SNAI3: variants seen among roughly 807,000 people sequenced by gnomAD.
The protein encoded by SNAI3 is snail family transcriptional repressor 3.
SNAI3 carries 21 observed loss-of-function variants against 16.4 expected under a neutral mutation model. That is an observed-to-expected ratio of 1.28 (90% confidence interval 0.91 to 1.85). The LOEUF (loss-of-function observed/expected upper bound fraction) is 1.85, where lower values mean the gene tolerates loss of function less well. SNAI3 is among the 40% of genes most tolerant of loss of function. The pLI is 0.00. For missense variants in SNAI3, 457 were observed against 372.8 expected (o/e 1.23, Z -1.86); for synonymous variants, 202 against 166.6 (o/e 1.21, Z -1.64).
chr16:88,682,533 A>G (rs923056118), intron 1 of SNAI3, among the ~76,000 whole-genome samples: 1 of 152,182 alleles, frequency 6.6e-6, no homozygotes, highest in African/African-American at 2.4e-5. Flanking sequence ...AAATCTCCCA[A>G]CAGCCCTCAA....
In SNAI3 at chr16:88,681,726, G is replaced by C; in HGVS notation, c.77-12C>G. 7.0e-7 allele frequency: 1 copy of C among 1,428,068 alleles called. No homozygotes were observed. Among genetic ancestry groups the C allele is most frequent in the Non-Finnish European group, 9.2e-7 (1 of 1,086,286 alleles). 88.5% of individuals were successfully genotyped at this position (1,428,068 alleles called of 1,614,324 possible). A position where few individuals can be genotyped will look rare whatever the true frequency, so the allele number is the denominator to read the frequency against. On this transcript the variant is annotated splice_polypyrimidine_tract_variant and intron_variant, in intron 1 of 2. Transcript: ENST00000332281. The surrounding 1 kb of genome is among the most constrained non-coding windows in gnomAD (Gnocchi z 5.4). ...GGCACCATTGATTTCTAGAGGGGTG[G>C]AGGGGAGAGAATAGAAAGATGAAGA...
At chr16:88,678,993 G>A (rs1909071204) in intron 2 of SNAI3, 2 of 985,446 alleles carry the variant, frequency 2.0e-6, no homozygotes, top group Non-Finnish European at 2.4e-6. Flanking sequence ...CAGAGCTGTG[G>A]ACCTTGAGGA....
At chr16:88,680,705 C>G (rs1363452450) in intron 2 of SNAI3, among the ~76,000 whole-genome samples, 2 of 151,978 alleles carry the variant, frequency 1.3e-5, no homozygotes, top group Admixed American at 6.6e-5. Flanking sequence ...CTCAAGTGAT[C>G]CTCCTGCCTC....
intron 1 of SNAI3, among the ~76,000 whole-genome samples, chr16:88,682,115 G>A (rs1452200795): frequency 1.3e-5 from 2 of 152,170 alleles, no homozygotes; most frequent in East Asian, 1.9e-4. Context: ...AGCCTGGGCC[G>A]GCATCCTCCA....
At position 88,681,400 on chromosome 16, in the gene SNAI3, C is replaced by G; in HGVS notation, c.391G>C (p.Asp131His). The change falls in exon 2 of 3, where the codon GAC (aspartate) becomes CAC (histidine). Residue 131 changes from aspartate to histidine, a missense_variant. Transcript: ENST00000332281. The surrounding 1 kb of genome is among the most constrained non-coding windows in gnomAD (Gnocchi z 5.4). ...PTRWSPTLGP[D>H]RHGAPEKLLG... ...AGTTTTTCCGGAGCCCCGTGCCGGT[C>G]TGGGCCCAAGGTCGGGGACCACCGT... 1 of 1,612,192 alleles carries G rather than the reference C, an allele frequency of 6.2e-7. No homozygotes were observed. The highest frequency in any genetic ancestry group is 1.1e-5 in the South Asian group (1 of 90,986).
Position 88,686,429 on chromosome 16 carries a change from C to G in SNAI3, c.-23G>C. The G allele has an allele frequency of 1.9e-6, 3 of 1,592,440 alleles. No individual in the cohort carries two copies. Among genetic ancestry groups the G allele is most frequent in the African/African-American group, 1.3e-5 (1 of 74,376 alleles). Reference sequence around the variant, plus strand: ...CATGTTCCCCTCCCGGGCGGCAGGCCGGGGTGGGCTGGGGCGGGAGGGGCG... The same window carrying G: ...CATGTTCCCCTCCCGGGCGGCAGGCGGGGGTGGGCTGGGGCGGGAGGGGCG... On this transcript the variant is annotated 5_prime_UTR_variant, in exon 1 of 3. Transcript: ENST00000332281.
At position 88,678,728 on chromosome 16, in the gene SNAI3, C is replaced by G. The variant is rs947097217; in HGVS notation, c.698-99G>C. 21 of 1,468,450 alleles carry G rather than the reference C, an allele frequency of 1.4e-5. No individual in the cohort carries two copies. In the African/African-American group the frequency reaches 2.2e-4, roughly 16 times the overall value. The allele number at this position is 1,468,450 out of a possible 1,614,324, so 91.0% of individuals were successfully genotyped here. On this transcript the variant is annotated intron_variant, in intron 2 of 2. Coordinates refer to ENST00000332281, the MANE Select transcript of SNAI3 (RefSeq NM_178310.4). ...AATGGATACTCCCATCCCTTCCCCACAAATGCTCACAGCCAGAGCACCCAA... is the reference window on the plus strand; with the variant it reads ...AATGGATACTCCCATCCCTTCCCCAGAAATGCTCACAGCCAGAGCACCCAA...
chr16:88,679,775 A>AAAAAAAAG (rs55649461), intron 2 of SNAI3, among the ~76,000 whole-genome samples: 69,895 of 106,382 alleles, frequency 0.66, 23,077 homozygotes, highest in East Asian at 0.88. Context: ...AAAAAAAAAA[A>AAAAAAAAG]AAAAAAAGAA....
rs372428888 is a variant in SNAI3 at position 88,686,451 on chromosome 16, G to A, written c.-45C>T. On this transcript the variant is annotated 5_prime_UTR_variant, in exon 1 of 3. Transcript: ENST00000332281. ...GGCCGGGGTGGGCTGGGGCGGGAGGGGCGCGCCTGGGTCCGGACTGCTGCG... is the reference window on the plus strand; with the variant it reads ...GGCCGGGGTGGGCTGGGGCGGGAGGAGCGCGCCTGGGTCCGGACTGCTGCG... The A allele has an allele frequency of 5.0e-5, 80 of 1,593,066 alleles. No individual in the cohort carries two copies. The African/African-American group carries it at 1.0e-3, about 20-fold the overall frequency.
intron 2 of SNAI3, 143 bp downstream of exon 2, chr16:88,680,951 G>C: frequency 7.9e-7 from 1 of 1,262,610 alleles, no homozygotes; most frequent in Non-Finnish European, 1.1e-6. Flanking sequence ...GTGGGACTTT[G>C]TACAGATAAG....
At chr16:88,683,278 T>G (rs1405151780) in intron 1 of SNAI3, among the ~76,000 whole-genome samples, 1 of 147,698 alleles carries the variant, frequency 6.8e-6, no homozygotes, top group Non-Finnish European at 1.5e-5. Context: ...TTCCCCCAGA[T>G]GGAGTCTCGC....
In SNAI3 at chr16:88,681,424, G is replaced by C. The variant is rs369333608; in HGVS notation, c.367C>G (p.Arg123Gly). 1.2e-6 allele frequency: 2 copies of C among 1,608,856 alleles called. No individual in the cohort carries two copies. Among genetic ancestry groups the C allele is most frequent in the Admixed American group, 1.7e-5 (1 of 59,838 alleles). The change falls in exon 2 of 3, where the codon CGG becomes GGG. Residue 123 changes from arginine (R) to glycine (G), a missense_variant. Coordinates refer to ENST00000332281, the MANE Select transcript of SNAI3 (RefSeq NM_178310.4). This position sits in a 1 kb window ranked among gnomAD's most constrained non-coding sequence, Gnocchi z 5.4. ...TCTGGGCCCAAGGTCGGGGACCACCGTGTGGGCAGCACCAGCAGTGGGGGC... is the reference window on the plus strand; with the variant it reads ...TCTGGGCCCAAGGTCGGGGACCACCCTGTGGGCAGCACCAGCAGTGGGGGC... ...NLPPLLVLPT[R>G]WSPTLGPDRH...
chr16:88,681,533 G>T lies in SNAI3; in HGVS notation c.258C>A (p.Asp86Glu), dbSNP rs538735472. ...IEEALGASGL[D>E]ALEVSEVDPR... ...GGTCGACCTCGCTGACTTCCAAGGC[G>T]TCCAGCCCAGAGGCCCCCAGAGCTT... Residue 86 changes from aspartate (D) to glutamate (E), a missense_variant, in exon 2 of 3, where the codon GAC (aspartate) becomes GAA (glutamate). By Grantham distance (45) the Asp-to-Glu change is conservative. Transcript: ENST00000332281. This position sits in a 1 kb window ranked among gnomAD's most constrained non-coding sequence, Gnocchi z 5.4. 1.3e-6 allele frequency: 2 copies of T among 1,524,916 alleles called. No individual in the cohort carries two copies. Among genetic ancestry groups the T allele is most frequent in the Admixed American group, 2.1e-5 (1 of 48,220 alleles). 94.5% of individuals were successfully genotyped at this position (1,524,916 alleles called of 1,614,324 possible).
chr16:88,683,553 C>CTTTTTTTT (rs35529850), intron 1 of SNAI3, among the ~76,000 whole-genome samples: 2 of 112,388 alleles, frequency 1.8e-5, no homozygotes, highest in African/African-American at 3.7e-5. Context: ...TGCGCCTGGC[C>CTTTTTTTT]TTTTTTTTTT....
intron 1 of SNAI3, chr16:88,686,126 G>A (rs1909350323): frequency 1.7e-6 from 1 of 584,964 alleles, no homozygotes; most frequent in Non-Finnish European, 2.9e-6. Flanking sequence ...CCGCCCTGCC[G>A]GAGGCGGGGC....
chr16:88,681,621 T>C lies in SNAI3; in HGVS notation c.170A>G (p.Gln57Arg), dbSNP rs754301060. 1 of 1,470,532 alleles carries C rather than the reference T, an allele frequency of 6.8e-7. No homozygotes were observed. The highest frequency in any genetic ancestry group is 2.4e-5 in the East Asian group (1 of 42,346). 91.1% of individuals were successfully genotyped at this position (1,470,532 alleles called of 1,614,324 possible). A position where few individuals can be genotyped will look rare whatever the true frequency, so the allele number is the denominator to read the frequency against. ...GACGGCCGAGGAGCGGTCCCAGGGC[T>C]GGGGAAGGTCACCGGGCACAGAAGG... ...EAPSVPGDLP[Q>R]PWDRSSAVAC... The change falls in exon 2 of 3, where the codon CAG becomes CGG. Residue 57 changes from glutamine to arginine, a missense_variant. By Grantham distance (43) the Gln-to-Arg change is conservative (BLOSUM62 1). Transcript: ENST00000332281. This position sits in a 1 kb window ranked among gnomAD's most constrained non-coding sequence, Gnocchi z 5.4.
Position 88,681,625 on chromosome 16 carries a change from G to A in SNAI3, c.166C>T (p.Pro56Ser). ...GCCGAGGAGCGGTCCCAGGGCTGGG[G>A]AAGGTCACCGGGCACAGAAGGGGCC... ...KEAPSVPGDLPQPWDRSSAVA... is the reference protein window; with the variant it reads ...KEAPSVPGDLSQPWDRSSAVA... Residue 56 changes from proline to serine, a missense_variant, in exon 2 of 3, where the codon CCC becomes TCC. Physicochemically the swap from Pro to Ser is moderately conservative, Grantham distance 74. Coordinates refer to ENST00000332281, the MANE Select transcript of SNAI3 (RefSeq NM_178310.4). The surrounding 1 kb of genome is among the most constrained non-coding windows in gnomAD (Gnocchi z 5.4). The A allele has an allele frequency of 6.7e-7, 1 of 1,484,908 alleles. No individual in the cohort carries two copies. The highest frequency in any genetic ancestry group is 9.0e-7 in the Non-Finnish European group (1 of 1,114,800). 92.0% of individuals were successfully genotyped at this position (1,484,908 alleles called of 1,614,324 possible).
In SNAI3 at chr16:88,678,538, C is replaced by T. The variant is rs965189293; in HGVS notation, c.789G>A (p.Lys263=). Residue 263 remains lysine, a synonymous_variant, in exon 3 of 3, where the codon AAG becomes AAA. Coordinates refer to ENST00000332281, the MANE Select transcript of SNAI3 (RefSeq NM_178310.4). The stretch of plus-strand genomic sequence containing the variant: ...TGGTGCAGCGCCGGCACCGGTACTT[C>T]TTGGCGTCTGAGTGCGTTTGCAGAT... ...RAHLQTHSDA[K]KYRCRRCTKT... 3.7e-6 allele frequency: 3 copies of T among 802,276 alleles called. No homozygotes were observed. Among genetic ancestry groups the T allele is most frequent in the Non-Finnish European group, 6.8e-6 (3 of 439,464 alleles). 49.7% of individuals were successfully genotyped at this position (802,276 alleles called of 1,614,324 possible).
At position 88,686,329 on chromosome 16, in the gene SNAI3, A is replaced by G; in HGVS notation, c.76+2T>C. The G allele has an allele frequency of 6.2e-7, 1 of 1,610,130 alleles. No homozygotes were observed. Among genetic ancestry groups the G allele is most frequent in the Non-Finnish European group, 8.5e-7 (1 of 1,179,018 alleles). ...GGGGCTCGGGGATCGGGTAGTCAGT[A>G]CCTCTCTGCGTCTCCAGCCGCCGGT... On this transcript the variant is annotated splice_donor_variant, in intron 1 of 2. Coordinates refer to ENST00000332281, the MANE Select transcript of SNAI3 (RefSeq NM_178310.4). LOFTEE classifies it high-confidence loss of function.
Sources: gnomAD v4.1 joint callset for allele counts (sites outside exome capture counted in the v4.1 genomes callset) on GRCh38, gnomAD v4.1.1 for gene constraint, Gnocchi (gnomAD v3.1) non-coding constraint, MANE v1.5 for transcripts, NCBI Gene and HGNC (gene_info 2026-07-23, HGNC 2026-07-21) for gene names.